The following TMEM116 variants were observed in gnomAD, a reference collection of about 807,000 sequenced individuals.
TMEM116 encodes transmembrane protein 116.
A neutral mutation model predicts 44.3 loss-of-function variants in TMEM116; 38 were observed. The ratio of observed to expected loss-of-function variants is 0.86; its 90% confidence interval spans 0.66 to 1.12. The LOEUF (loss-of-function observed/expected upper bound fraction) is 1.12. Ranked by LOEUF, TMEM116 falls within the 50% of genes most tolerant of loss-of-function variation. TMEM116 has a pLI of 0.00. For missense variants in TMEM116, 354 were observed against 401.7 expected, an observed-to-expected ratio of 0.88 and a Z score of 1.01; for synonymous variants, 132 against 144.8, an observed-to-expected ratio of 0.91 and a Z score of 0.64.
At chr12:111,941,457 T>C (rs193279203) in intron 5 of TMEM116, among the ~76,000 whole-genome samples, 207 of 152,172 alleles carry the variant, frequency 1.4e-3, no homozygotes, top group Admixed American at 3.7e-3. Context: ...TAATCCTGTG[T>C]TGCACAATAT....
chr12:111,997,592 A>G (rs2076997712), intron 3 of TMEM116, among the ~76,000 whole-genome samples: 2 of 152,036 alleles, frequency 1.3e-5, no homozygotes, highest in Non-Finnish European at 2.9e-5. Context: ...AAAAAAACAA[A>G]CAGAACAGAT....
chr12:111,986,969 G>C (rs1298061379), intron 4 of TMEM116, among the ~76,000 whole-genome samples: 3 of 152,076 alleles, frequency 2.0e-5, no homozygotes, highest in African/African-American at 7.2e-5. Context: ...TAGCGTAAAA[G>C]CTTCATAATG....
chr12:111,973,833 A>G (rs983135772), intron 4 of TMEM116, among the ~76,000 whole-genome samples: 5 of 152,098 alleles, frequency 3.3e-5, no homozygotes, highest in Non-Finnish European at 1.5e-5. Flanking sequence ...CTGAGGCAGG[A>G]GAATCACTTG....
At chr12:111,984,181 A>C (rs1214238639) in intron 4 of TMEM116, among the ~76,000 whole-genome samples, 1 of 152,174 alleles carries the variant, frequency 6.6e-6, no homozygotes, top group Non-Finnish European at 1.5e-5. Flanking sequence ...GAACAGAAGA[A>C]AACTATCTCA....
chr12:111,978,603 G>C, intron 4 of TMEM116: 1 of 229,212 alleles, frequency 4.4e-6, no homozygotes, highest in South Asian at 4.3e-5. Flanking sequence ...AGCTCCTAAG[G>C]GTGGAGGCTT....
rs975929005 is a variant in TMEM116, at chr12:111,975,534, A to G, written c.210+16224T>C. On this transcript the variant is annotated intron_variant, in intron 4 of 10. Transcript: ENST00000552374. ...AATCAACTCTGATAAGAAGAACACA[A>G]TTGGAGAGCTAATACTGCCTAATTT... Among the ~76,000 whole-genome samples, 13 of 152,240 alleles carry G rather than the reference A, an allele frequency of 8.5e-5. No individual in the cohort carries two copies. The East Asian group carries it at 2.3e-3, about 27-fold the overall frequency.
At chr12:112,011,210 C>T (rs1489312661) in intron 1 of TMEM116, 2 of 152,320 alleles carry the variant, frequency 1.3e-5, no homozygotes, top group African/African-American at 4.8e-5. Flanking sequence ...CCTGCCTCAA[C>T]TCAGAAGGGG....
intron 4 of TMEM116, among the ~76,000 whole-genome samples, chr12:111,963,976 T>C (rs912138569): frequency 3.9e-5 from 6 of 152,140 alleles, no homozygotes; most frequent in Admixed American, 2.6e-4. Context: ...ATGGTAGTTA[T>C]GGTAGTTGTT....
chr12:112,008,411 CG>C (rs1555228320), intron 1 of TMEM116, among the ~76,000 whole-genome samples: 2 of 151,082 alleles, frequency 1.3e-5, no homozygotes, highest in Non-Finnish European at 2.9e-5. Flanking sequence ...ACCCGGGAGG[CG>C]GAAGTTGTAG....
Position 111,966,890 on chromosome 12 carries a change from C to G in TMEM116, c.211-23521G>C, listed in dbSNP as rs76088204. On this transcript the variant is annotated intron_variant, in intron 4 of 10. Transcript: ENST00000552374. The stretch of plus-strand genomic sequence containing the variant: ...AGGCTCTAATGCCTTAACAGACCAG[C>G]TTGGTCAGCCTATCTTGTCAGACAG... Among the ~76,000 whole-genome samples the G allele has an allele frequency of 5.1e-3, 783 of 152,320 alleles. 8 individuals are homozygous for G. The highest frequency in any genetic ancestry group is 0.018 in the African/African-American group (763 of 41,568).
chr12:111,957,799 G>A (rs1377564902), intron 4 of TMEM116, among the ~76,000 whole-genome samples: 4 of 152,252 alleles, frequency 2.6e-5, no homozygotes, highest in Non-Finnish European at 5.9e-5. Flanking sequence ...TTGAGAACGG[G>A]CCATGATGAC....
intron 4 of TMEM116, among the ~76,000 whole-genome samples, chr12:111,974,480 T>A (rs2075549026): frequency 6.6e-6 from 1 of 151,790 alleles, no homozygotes; most frequent in African/African-American, 2.4e-5. Context: ...TAAAACCCTG[T>A]CTCTACTAAA....
chr12:111,950,628 T>C (rs769433073), intron 4 of TMEM116, among the ~76,000 whole-genome samples: 3 of 152,166 alleles, frequency 2.0e-5, no homozygotes, highest in Non-Finnish European at 2.9e-5. Context: ...TGGCTAGCCA[T>C]ATGCAGAAGA....
intron 4 of TMEM116, among the ~76,000 whole-genome samples, chr12:111,959,291 C>G (rs1043467607): frequency 4.6e-5 from 7 of 152,164 alleles, no homozygotes; most frequent in Admixed American, 2.6e-4. Context: ...TACAGACAAG[C>G]AAATTCTGAG....
chr12:111,935,407 G>C (rs1282142822), intron 8 of TMEM116: 1 of 151,880 alleles, frequency 6.6e-6, no homozygotes, highest in African/African-American at 2.4e-5. Context: ...GCCATCTGCT[G>C]ATTTTTAAAG....
At chr12:111,975,695 A>G (rs1167820805) in intron 4 of TMEM116, among the ~76,000 whole-genome samples, 2 of 152,196 alleles carry the variant, frequency 1.3e-5, no homozygotes, top group Non-Finnish European at 2.9e-5. Context: ...CTTGCCTTCC[A>G]GAGAAACTAC....
intron 8 of TMEM116, 112 bp downstream of exon 8, chr12:111,936,579 TC>T: frequency 8.1e-7 from 1 of 1,234,000 alleles, no homozygotes; most frequent in Non-Finnish European, 1.1e-6. Context: ...CTTTCTTAGT[TC>T]TAGGACCACA....
chr12:112,002,393 C>CAA (rs1160168400), intron 3 of TMEM116, among the ~76,000 whole-genome samples: 14 of 66,852 alleles, frequency 2.1e-4, no homozygotes, highest in Non-Finnish European at 3.4e-4. Flanking sequence ...AACTCTGTCT[C>CAA]AAAAAAAAAA....
intron 10 of TMEM116, among the ~76,000 whole-genome samples, 185 bp from the exon 11 acceptor site, chr12:111,932,012 G>A (rs946000087): frequency 1.3e-5 from 2 of 151,850 alleles, no homozygotes; most frequent in Admixed American, 6.6e-5. Context: ...ACACTGTTAC[G>A]GATGACTGAG....
Sources: allele counts gnomAD v4.1 joint callset (sites outside exome capture counted in the v4.1 genomes callset), GRCh38; gene constraint gnomAD v4.1.1; transcripts MANE v1.5; gene names NCBI Gene and HGNC (gene_info 2026-07-23, HGNC 2026-07-21).